SYNE1: variants seen among roughly 807,000 people sequenced by gnomAD.
SYNE1 encodes the protein spectrin repeat containing nuclear envelope protein 1.
Under a neutral mutation model 1,111.0 loss-of-function variants are expected in SYNE1, and 616 were observed. That is an observed-to-expected ratio of 0.55 (90% CI 0.52 to 0.59). The LOEUF is 0.59. Ranked by LOEUF, SYNE1 falls within the 20% of genes least tolerant of loss-of-function variation. The pLI, the probability that SYNE1 is intolerant of heterozygous loss-of-function variation, is 0.00. For missense variants in SYNE1, 10,006 were observed against 10,417.0 expected (o/e 0.96, Z 1.72); for synonymous variants, 3,855 against 3,825.8 (o/e 1.01, Z -0.28).
At chr6:152,322,316 C>T (rs567899539) in intron 82 of SYNE1, among the ~76,000 whole-genome samples, 65 of 152,172 alleles carry the variant, frequency 4.3e-4, no homozygotes, top group African/African-American at 1.5e-3. Flanking sequence ...GTACAAATTT[C>T]AAGTCTTTAT....
intron 105 of SYNE1, among the ~76,000 whole-genome samples, chr6:152,247,816 C>G (rs569861933): frequency 1.2e-4 from 18 of 144,512 alleles, no homozygotes; most frequent in African/African-American, 4.6e-4. Flanking sequence ...GAAAAATGCA[C>G]ACTCACAGTT....
intron 89 of SYNE1, 96 bp downstream of exon 89, chr6:152,310,299 AT>A (rs893217149): frequency 3.0e-5 from 46 of 1,529,206 alleles, no homozygotes; most frequent in African/African-American, 2.5e-4. Context: ...ATTAAAAAAA[AT>A]AAAACAGTGT....
At chr6:152,509,233 T>C (rs2099072832) in intron 8 of SYNE1, among the ~76,000 whole-genome samples, 3 of 143,090 alleles carry the variant, frequency 2.1e-5, no homozygotes, top group Admixed American at 1.5e-4. Flanking sequence ...AGCACTCTTT[T>C]TCTTTTTTCT....
chr6:152,200,916 C>A (rs2075279297), intron 127 of SYNE1, among the ~76,000 whole-genome samples: 1 of 152,162 alleles, frequency 6.6e-6, no homozygotes, highest in Non-Finnish European at 1.5e-5. Flanking sequence ...TATAGCCACA[C>A]TTTTCATGAT....
intron 10 of SYNE1, among the ~76,000 whole-genome samples, chr6:152,500,950 CAA>C (rs57436246): frequency 2.1e-3 from 171 of 79,970 alleles, no homozygotes; most frequent in African/African-American, 5.7e-3. Flanking sequence ...GACTCCATCT[CAA>C]AAAAAAAAAA....
At chr6:152,438,312 A>G (rs1008349112) in intron 32 of SYNE1, among the ~76,000 whole-genome samples, 46 of 152,336 alleles carry the variant, frequency 3.0e-4, no homozygotes, top group African/African-American at 9.4e-4. Context: ...AGTGTTTCTC[A>G]GAACCCAGGA....
intron 59 of SYNE1, among the ~76,000 whole-genome samples, chr6:152,371,687 AG>A (rs2097183516): frequency 2.6e-5 from 1 of 38,356 alleles, no homozygotes. Flanking sequence ...GGGAAGGGGG[AG>A]GGGGAGGAGA....
At chr6:152,477,876 C>T (rs919668002) in intron 14 of SYNE1, among the ~76,000 whole-genome samples, 1 of 152,190 alleles carries the variant, frequency 6.6e-6, no homozygotes, top group African/African-American at 2.4e-5. Flanking sequence ...AGCAATCCTC[C>T]TGCCTCAGCC....
intron 5 of SYNE1, 114 bp from the exon 6 acceptor site, chr6:152,520,656 C>G: frequency 8.7e-7 from 1 of 1,153,704 alleles, no homozygotes; most frequent in Non-Finnish European, 1.3e-6. Context: ...CAAAAGCAAC[C>G]AACATTGTTC....
chr6:152,619,974 T>C (rs1349285766), intron 3 of SYNE1, among the ~76,000 whole-genome samples: 1 of 152,192 alleles, frequency 6.6e-6, no homozygotes, highest in Non-Finnish European at 1.5e-5. Flanking sequence ...TGAACCTCCT[T>C]GTGGGCAATG....
intron 93 of SYNE1, among the ~76,000 whole-genome samples, chr6:152,299,174 TA>T (rs1192308500): frequency 1.1e-4 from 17 of 152,328 alleles, no homozygotes; most frequent in Admixed American, 9.8e-4. Flanking sequence ...AGAAAAGGTA[TA>T]TTTTTTCCAC....
chr6:152,540,591 G>A (rs559014252), intron 3 of SYNE1, among the ~76,000 whole-genome samples: 52 of 152,298 alleles, frequency 3.4e-4, no homozygotes, highest in Non-Finnish European at 4.7e-4. Context: ...TTTTTGTGTC[G>A]GCAGAATGTG....
chr6:152,594,261 A>G (rs778011365), intron 3 of SYNE1, among the ~76,000 whole-genome samples: 28 of 152,336 alleles, frequency 1.8e-4, no homozygotes, highest in Middle Eastern at 3.4e-3. Context: ...AGGGGACATA[A>G]GAGTGTTGAC....
chr6:152,504,771 A>T (rs1334886579), intron 9 of SYNE1, among the ~76,000 whole-genome samples: 1 of 152,242 alleles, frequency 6.6e-6, no homozygotes, highest in African/African-American at 2.4e-5. Flanking sequence ...GACAAATATT[A>T]GTCAAACATT....
At chr6:152,510,857 C>T (rs2099081404) in intron 7 of SYNE1, among the ~76,000 whole-genome samples, 154 bp downstream of exon 7, 1 of 152,076 alleles carries the variant, frequency 6.6e-6, no homozygotes, top group Non-Finnish European at 1.5e-5. Flanking sequence ...AGGAAATTCT[C>T]CTACCAAAGA....
At chr6:152,167,864 A>C in intron 130 of SYNE1, 1 of 692,940 alleles carries the variant, frequency 1.4e-6, no homozygotes, top group East Asian at 3.0e-5. Context: ...TCCAGAGACA[A>C]CTGGAATACA....
At chr6:152,202,058 C>T in intron 126 of SYNE1, 109 bp from the exon 127 acceptor site, 2 of 1,410,126 alleles carry the variant, frequency 1.4e-6, no homozygotes, top group Non-Finnish European at 2.0e-6. Context: ...ATGAAAGTTA[C>T]ACTGATGGCT....
chr6:152,399,526 T>C lies in SYNE1; in HGVS notation c.7237+90A>G, dbSNP rs1294250483. 5 of 1,509,466 alleles carry C rather than the reference T, an allele frequency of 3.3e-6. No homozygotes were observed. The Admixed American group carries it at 8.4e-5, about 25-fold the overall frequency. 93.5% of individuals were successfully genotyped at this position (1,509,466 alleles called of 1,614,324 possible). On this transcript the variant is annotated intron_variant, in intron 48 of 145. Transcript: ENST00000367255. Reference sequence around the variant, plus strand: ...TGAAATGACACCCTGGAAAGTTTCCTCAAACTTTTGCTGGCAGTTTCTAGG... The same window carrying C: ...TGAAATGACACCCTGGAAAGTTTCCCCAAACTTTTGCTGGCAGTTTCTAGG...
intron 6 of SYNE1, among the ~76,000 whole-genome samples, chr6:152,512,941 A>G (rs2099092871): frequency 6.6e-6 from 1 of 152,206 alleles, no homozygotes; most frequent in Non-Finnish European, 1.5e-5. Context: ...GACAGATAAA[A>G]CCAGAGCAGA....
Sources: allele counts gnomAD v4.1 joint callset (sites outside exome capture counted in the v4.1 genomes callset), GRCh38; gene constraint gnomAD v4.1.1; transcripts MANE v1.5; gene names NCBI Gene and HGNC (gene_info 2026-07-23, HGNC 2026-07-21).